MX2: variants seen among roughly 807,000 people sequenced by gnomAD.
The protein encoded by MX2 is MX dynamin like GTPase 2, also known as interferon-induced GTP-binding protein Mx2.
Under a neutral mutation model 74.0 loss-of-function variants are expected in MX2, and 51 were observed. That is an observed-to-expected ratio of 0.69 (90% CI 0.55 to 0.87). The LOEUF (loss-of-function observed/expected upper bound fraction) is 0.87. MX2 is among the 40% of genes least tolerant of loss of function. MX2 has a pLI of 0.00. For synonymous variants in MX2, 369 were observed against 339.3 expected (o/e 1.09, Z -0.96); for missense variants, 832 against 908.7 (o/e 0.92, Z 1.09).
At chr21:41,390,372 T>G in intron 5 of MX2, 193 bp from the exon 6 acceptor site, 2 of 652,676 alleles carry the variant, frequency 3.1e-6, no homozygotes, top group South Asian at 1.8e-5. Context: ...GAAGGACAAG[T>G]GGGAGGTCAT....
chr21:41,397,556 AC>A, intron 7 of MX2, 56 bp from the exon 8 acceptor site: 7 of 1,514,610 alleles, frequency 4.6e-6, no homozygotes, highest in Non-Finnish European at 6.4e-6. Flanking sequence ...AAAGTCCGGT[AC>A]TAGCAAGATG....
intron 5 of MX2, among the ~76,000 whole-genome samples, chr21:41,385,595 C>T (rs559740483): frequency 2.0e-5 from 3 of 152,270 alleles, no homozygotes; most frequent in South Asian, 2.1e-4. Context: ...GTACAAATTT[C>T]GCTGTCTCTG....
rs2089236003 is a variant in MX2 at position 41,363,601 on chromosome 21, G to A, written c.-72+1546G>A. ...CCGGGGAGATAAGGTCGCATTCAGT[G>A]CCAGTGCTTGGTCAGCCATGACCCT... On this transcript the variant is annotated intron_variant, in intron 1 of 13. Coordinates refer to ENST00000330714, the MANE Select transcript of MX2 (RefSeq NM_002463.2). The surrounding 1 kb of genome is among the most constrained non-coding windows in gnomAD (Gnocchi z 4.2). 1.3e-5 allele frequency: 2 copies of A among 154,758 alleles called. No individual in the cohort carries two copies. The highest frequency in any genetic ancestry group is 4.8e-5 in the African/African-American group (2 of 41,534). 9.6% of individuals were successfully genotyped at this position (154,758 alleles called of 1,614,324 possible).
chr21:41,408,376 G>A lies in MX2; in HGVS notation c.*143G>A. 1 of 1,151,414 alleles carries A rather than the reference G, an allele frequency of 8.7e-7. No individual in the cohort carries two copies. The highest frequency in any genetic ancestry group is 1.2e-6 in the Non-Finnish European group (1 of 831,210). The allele number at this position is 1,151,414 out of a possible 1,614,324, so 71.3% of individuals were successfully genotyped here. On this transcript the variant is annotated 3_prime_UTR_variant, in exon 14 of 14. Coordinates refer to ENST00000330714, the MANE Select transcript of MX2 (RefSeq NM_002463.2). ...TCTACTGTACTCCCTCAGCATCAGA[G>A]CATGCATCAGGGGTCCACACAGGCT...
chr21:41,374,711 G>C (rs1194133626), intron 1 of MX2, among the ~76,000 whole-genome samples: 1 of 151,902 alleles, frequency 6.6e-6, no homozygotes, highest in African/African-American at 2.4e-5. Context: ...TTGCTCGAGG[G>C]AGAAACTCTG....
At chr21:41,403,573 C>T (rs927105824) in intron 12 of MX2, 5 of 732,588 alleles carry the variant, frequency 6.8e-6, no homozygotes, top group Admixed American at 1.7e-5. Context: ...AAATGCGGCC[C>T]GTGCCCTGCC....
chr21:41,391,789 C>CT (rs80000028), intron 6 of MX2, among the ~76,000 whole-genome samples: 3,344 of 141,596 alleles, frequency 0.024, 120 homozygotes, highest in African/African-American at 0.07. Flanking sequence ...TTTTCTTTTT[C>CT]TTTTTTTTTT....
At chr21:41,399,480 A>C in intron 10 of MX2, 143 bp downstream of exon 10, 105 of 858,560 alleles carry the variant, frequency 1.2e-4, no homozygotes, top group Non-Finnish European at 1.7e-4. Context: ...ACTGTCTCTC[A>C]ACGAACAAAA....
chr21:41,388,353 C>T lies in MX2; in HGVS notation c.733-2212C>T, dbSNP rs538272333. ...TCTGCGGCCCTTGGTCCCTCTGGCT[C>T]ACTTTTGCCTGGACTCTTGCGTGTG... On this transcript the variant is annotated intron_variant, in intron 5 of 13. Coordinates refer to ENST00000330714, the MANE Select transcript of MX2 (RefSeq NM_002463.2). The surrounding 1 kb of genome is among the most constrained non-coding windows in gnomAD (Gnocchi z 4.0). Among the ~76,000 whole-genome samples the T allele has an allele frequency of 1.3e-5, 2 of 152,336 alleles. No individual in the cohort carries two copies. Among genetic ancestry groups the T allele is most frequent in the South Asian group, 4.1e-4 (2 of 4,828 alleles).
chr21:41,377,387 C>T (rs1267139400), intron 2 of MX2, among the ~76,000 whole-genome samples: 1 of 152,180 alleles, frequency 6.6e-6, no homozygotes, highest in Non-Finnish European at 1.5e-5. Flanking sequence ...GGGTCCCCTT[C>T]CTGGAGCTTT....
At chr21:41,369,149 G>C (rs1199411009) in intron 1 of MX2, among the ~76,000 whole-genome samples, 1 of 152,246 alleles carries the variant, frequency 6.6e-6, no homozygotes, top group African/African-American at 2.4e-5. Context: ...CCCAGGGCTA[G>C]TTCTGAAAAC....
At chr21:41,399,919 C>T (rs80133463) in intron 10 of MX2, among the ~76,000 whole-genome samples, 65 of 152,304 alleles carry the variant, frequency 4.3e-4, no homozygotes, top group African/African-American at 1.4e-3. Flanking sequence ...CTGAGGAATT[C>T]GCAGAGCAGC....
At chr21:41,364,452 G>C (rs895847298) in intron 1 of MX2, 1 of 153,308 alleles carries the variant, frequency 6.5e-6, no homozygotes, top group African/African-American at 2.4e-5. Context: ...CCTGGGCATC[G>C]GGGACAGGCA....
intron 1 of MX2, among the ~76,000 whole-genome samples, chr21:41,374,651 GGCTGCCATGCTGAAA>G (rs66588089): frequency 0.48 from 72,720 of 151,606 alleles, 20,732 homozygotes; most frequent in East Asian, 0.8. Context: ...CACTTCTCCA[GGCTGCCATGCTGAAA>G]GCCGGCAGGT....
intron 1 of MX2, chr21:41,364,609 C>T (rs2089247501): frequency 6.6e-6 from 1 of 152,122 alleles, no homozygotes; most frequent in Non-Finnish European, 1.5e-5. Context: ...AGTCAGAGTT[C>T]TCTAGAGGGA....
chr21:41,390,694 A>G lies in MX2; in HGVS notation c.862A>G (p.Arg288Gly), dbSNP rs1433239949. Residue 288 changes from arginine to glycine, a missense_variant, in exon 6 of 14, where the codon AGG (arginine) becomes GGG (glycine). Physicochemically the swap from Arg to Gly is moderately radical, Grantham distance 125. Coordinates refer to ENST00000330714, the MANE Select transcript of MX2 (RefSeq NM_002463.2). The part of the protein sequence containing the change: ...MAHEVDPEGD[R>G]TIGILTKPDL... ...CCATGAGGTGGACCCGGAAGGGGAC[A>G]GGACCATCGGTAAGAGGAAAGAACC... 1 of 1,614,062 alleles carries G rather than the reference A, an allele frequency of 6.2e-7. No individual in the cohort carries two copies. Among genetic ancestry groups the G allele is most frequent in the East Asian group, 2.2e-5 (1 of 44,876 alleles).
chr21:41,396,729 A>G (rs1292572220), intron 7 of MX2, among the ~76,000 whole-genome samples: 1 of 152,172 alleles, frequency 6.6e-6, no homozygotes, highest in Non-Finnish European at 1.5e-5. Context: ...TGGATGAAAC[A>G]TACTGTTTCC....
chr21:41,375,874 G>A (rs2089394991), intron 1 of MX2, among the ~76,000 whole-genome samples: 2 of 152,162 alleles, frequency 1.3e-5, no homozygotes, highest in South Asian at 4.1e-4. Flanking sequence ...GAGTGTGGGG[G>A]GCTCCTGCCC....
At chr21:41,395,249 G>A (rs1194630787) in intron 6 of MX2, among the ~76,000 whole-genome samples, 1 of 70,212 alleles carries the variant, frequency 1.4e-5, no homozygotes, top group Non-Finnish European at 3.5e-5. Flanking sequence ...ACTCCCCTCA[G>A]TAGGGAACAA....
Sources: allele counts gnomAD v4.1 joint callset (sites outside exome capture counted in the v4.1 genomes callset), GRCh38; gene constraint gnomAD v4.1.1; non-coding constraint Gnocchi (gnomAD v3.1); transcripts MANE v1.5; gene names NCBI Gene and HGNC (gene_info 2026-07-23, HGNC 2026-07-21).